MXI1: variants seen among roughly 807,000 people sequenced by gnomAD.
MXI1 encodes the protein MAX interactor 1, dimerization protein.
A neutral mutation model predicts 36.9 loss-of-function variants in MXI1; 18 were observed. The observed-to-expected ratio is 0.49, with a 90% CI of 0.34 to 0.72. MXI1 has a LOEUF of 0.72. Ranked by LOEUF, MXI1 falls within the 30% of genes least tolerant of loss-of-function variation. The pLI is 0.01. For missense variants in MXI1, 304 were observed against 379.1 expected, an observed-to-expected ratio of 0.80 and a Z score of 1.64; for synonymous variants, 160 against 146.7, an observed-to-expected ratio of 1.09 and a Z score of -0.65.
At chr10:110,215,527 T>C (rs1221141483) in intron 1 of MXI1, among the ~76,000 whole-genome samples, 1 of 152,166 alleles carries the variant, frequency 6.6e-6, no homozygotes, top group Non-Finnish European at 1.5e-5. Context: ...CCCTCCTACC[T>C]GATACGAGAA....
At chr10:110,216,243 A>G (rs1854633182) in intron 1 of MXI1, among the ~76,000 whole-genome samples, 2 of 152,240 alleles carry the variant, frequency 1.3e-5, no homozygotes, top group Non-Finnish European at 2.9e-5. Context: ...AAATTTAGAG[A>G]AACTCTCTTG....
At chr10:110,241,666 T>G (rs909718574) in intron 2 of MXI1, among the ~76,000 whole-genome samples, 2 of 151,980 alleles carry the variant, frequency 1.3e-5, no homozygotes, top group African/African-American at 4.8e-5. Flanking sequence ...TCATTATGGT[T>G]GTTGTTTGCT....
At chr10:110,233,208 T>G (rs1360147086) in intron 2 of MXI1, among the ~76,000 whole-genome samples, 1 of 152,180 alleles carries the variant, frequency 6.6e-6, no homozygotes, top group Non-Finnish European at 1.5e-5. Flanking sequence ...ACAACTTTTC[T>G]GTTGTTTATA....
At chr10:110,284,135 T>G (rs541801307) in intron 5 of MXI1, among the ~76,000 whole-genome samples, 48 of 143,158 alleles carry the variant, frequency 3.4e-4, no homozygotes, top group Middle Eastern at 7.3e-3. Context: ...ATTTGTGGTG[T>G]TTTTTTTTTT....
chr10:110,256,736 G>A (rs537000276), intron 3 of MXI1, among the ~76,000 whole-genome samples: 1 of 151,962 alleles, frequency 6.6e-6, no homozygotes, highest in African/African-American at 2.4e-5. Context: ...ACCATCTAGG[G>A]TTGCTCACCA....
At chr10:110,265,131 C>T (rs951500147) in intron 3 of MXI1, among the ~76,000 whole-genome samples, 2 of 152,144 alleles carry the variant, frequency 1.3e-5, no homozygotes, top group African/African-American at 4.8e-5. Flanking sequence ...TTTGATAGAG[C>T]TCTGAGTACG....
At chr10:110,208,172 C>A in intron 1 of MXI1, 90 bp downstream of exon 1, 2 of 1,349,884 alleles carry the variant, frequency 1.5e-6, no homozygotes, top group Non-Finnish European at 2.0e-6. Context: ...CGGCCCGTCC[C>A]CCCCCCGCCC....
At chr10:110,231,231 G>T (rs973835121) in intron 2 of MXI1, among the ~76,000 whole-genome samples, 3 of 152,110 alleles carry the variant, frequency 2.0e-5, no homozygotes, top group Non-Finnish European at 4.4e-5. Flanking sequence ...GCCAGGTGTG[G>T]TAGTGTGTGC....
At chr10:110,269,226 T>C (rs1353507245) in intron 3 of MXI1, among the ~76,000 whole-genome samples, 3 of 152,252 alleles carry the variant, frequency 2.0e-5, no homozygotes, top group African/African-American at 4.8e-5. Context: ...GTACAAATTA[T>C]GAATATTCGC....
intron 3 of MXI1, among the ~76,000 whole-genome samples, chr10:110,251,321 T>A (rs1856076669): frequency 1.3e-5 from 2 of 152,280 alleles, no homozygotes; most frequent in South Asian, 4.1e-4. Flanking sequence ...TTACGGTTAA[T>A]ATCAATCTTT....
chr10:110,227,585 G>A (rs568712987), intron 1 of MXI1: 90 of 978,110 alleles, frequency 9.2e-5, no homozygotes, highest in Non-Finnish European at 1.0e-4. Context: ...ATGCTGGGGG[G>A]GGTCAGGGGA....
At chr10:110,273,769 G>A (rs917203812) in intron 3 of MXI1, among the ~76,000 whole-genome samples, 1 of 152,156 alleles carries the variant, frequency 6.6e-6, no homozygotes, top group Non-Finnish European at 1.5e-5. Context: ...TTTTGATTTA[G>A]TTATCTGGTA....
chr10:110,247,248 G>T (rs1463136325), intron 3 of MXI1, among the ~76,000 whole-genome samples: 1 of 152,038 alleles, frequency 6.6e-6, no homozygotes, highest in Non-Finnish European at 1.5e-5. Context: ...TTTTTTTCTT[G>T]TAAATTTGTT....
intron 3 of MXI1, among the ~76,000 whole-genome samples, chr10:110,268,724 C>T (rs891850345): frequency 1.3e-5 from 2 of 150,760 alleles, no homozygotes; most frequent in African/African-American, 4.9e-5. Context: ...AAGTTACTCT[C>T]AAAAACTACT....
chr10:110,263,771 T>A (rs1856595520), intron 3 of MXI1, among the ~76,000 whole-genome samples: 1 of 152,232 alleles, frequency 6.6e-6, no homozygotes, highest in Non-Finnish European at 1.5e-5. Context: ...ATTTTCCTTC[T>A]GATTTTTTTG....
intron 3 of MXI1, among the ~76,000 whole-genome samples, chr10:110,260,151 G>C (rs986004520): frequency 2.2e-4 from 33 of 151,992 alleles, no homozygotes; most frequent in African/African-American, 7.2e-4. Context: ...GTAATGCATT[G>C]ACATGAGTAT....
chr10:110,220,253 A>G (rs1308147292), intron 1 of MXI1, among the ~76,000 whole-genome samples: 1 of 152,128 alleles, frequency 6.6e-6, no homozygotes, highest in East Asian at 1.9e-4. Flanking sequence ...GATTAAATGA[A>G]CTGACTGGAG....
intron 2 of MXI1, among the ~76,000 whole-genome samples, chr10:110,230,328 G>A (rs997596330): frequency 6.6e-6 from 1 of 152,142 alleles, no homozygotes; most frequent in African/African-American, 2.4e-5. Flanking sequence ...AATATTATGT[G>A]TGGGACCACA....
chr10:110,213,962 T>C (rs943617346), intron 1 of MXI1, among the ~76,000 whole-genome samples: 1 of 152,246 alleles, frequency 6.6e-6, no homozygotes, highest in Non-Finnish European at 1.5e-5. Flanking sequence ...ATGCATTCAT[T>C]ATCTCCCCTG....
Sources: gnomAD v4.1 joint callset for allele counts (sites outside exome capture counted in the v4.1 genomes callset) on GRCh38, gnomAD v4.1.1 for gene constraint, MANE v1.5 for transcripts, NCBI Gene and HGNC (gene_info 2026-07-23, HGNC 2026-07-21) for gene names.